HERC1: variants seen among roughly 807,000 people sequenced by gnomAD.
HERC1 encodes the protein probable E3 ubiquitin-protein ligase HERC1.
In HERC1, 160 loss-of-function variants were observed where a neutral mutation model predicts 554.3. That is an observed-to-expected ratio of 0.29 (90% CI 0.25 to 0.33). The LOEUF (loss-of-function observed/expected upper bound fraction) is 0.33, where lower values mean the gene tolerates loss of function less well. HERC1 is among the 10% of genes least tolerant of loss of function. The probability of loss-of-function intolerance (pLI) is 1.00; values close to 1 mark genes in which losing one functional copy is unlikely to be tolerated. For synonymous variants in HERC1, 2,175 were observed against 2,131.7 expected (o/e 1.02, Z -0.56); for missense variants, 4,919 against 5,918.5 (o/e 0.83, Z 5.54).
chr15:63,828,855 A>T (rs2078030405), intron 1 of HERC1, among the ~76,000 whole-genome samples: 1 of 152,230 alleles, frequency 6.6e-6, no homozygotes, highest in African/African-American at 2.4e-5. Context: ...TAACTTTGGA[A>T]AACTATTTTG....
In HERC1 at chr15:63,729,272, T is replaced by C. The variant is rs567722859; in HGVS notation, c.3118A>G (p.Ser1040Gly). The C allele has an allele frequency of 6.8e-6, 11 of 1,607,654 alleles. No individual in the cohort carries two copies. In the Admixed American group the frequency reaches 1.0e-4, roughly 15 times the overall value. Residue 1040 changes from serine to glycine, a missense_variant, in exon 16 of 78, where the codon AGT becomes GGT. By Grantham distance (56) the Ser-to-Gly change is moderately conservative. Coordinates refer to ENST00000443617, the MANE Select transcript of HERC1 (RefSeq NM_003922.4). ...TCTCCAACACTGCCATTCCAAGGAC[T>C]TTCTTTGAGCAAATTTGCAGAACGT... ...YSRSANLLKESPWNGSVGEKL... is the reference protein window; with the variant it reads ...YSRSANLLKEGPWNGSVGEKL...
chr15:63,609,694 T>C (rs2067506546), intron 77 of HERC1, among the ~76,000 whole-genome samples: 1 of 152,076 alleles, frequency 6.6e-6, no homozygotes, highest in African/African-American at 2.4e-5. Context: ...GACTGTGAGG[T>C]GCAGCTGGCC....
intron 36 of HERC1, 27 bp from the exon 37 acceptor site, chr15:63,678,392 A>T (rs2071309806): frequency 2.6e-6 from 4 of 1,543,018 alleles, no homozygotes; most frequent in Non-Finnish European, 3.5e-6. Flanking sequence ...AGGGTGGAAA[A>T]CACATGCTAT....
rs551580659 is a variant in HERC1, at chr15:63,609,026, A to C, written c.*55T>G. ...TTACCATAAAAGTATATCAACATCA[A>C]ATCAGAAGTGAGCATTATTGAGGGA... On this transcript the variant is annotated 3_prime_UTR_variant, in exon 78 of 78. Coordinates refer to ENST00000443617, the MANE Select transcript of HERC1 (RefSeq NM_003922.4). The C allele has an allele frequency of 1.3e-6, 2 of 1,502,836 alleles. No homozygotes were observed. The highest frequency in any genetic ancestry group is 2.7e-5 in the African/African-American group (2 of 72,930). 93.1% of individuals were successfully genotyped at this position (1,502,836 alleles called of 1,614,324 possible).
intron 43 of HERC1, 81 bp downstream of exon 43, chr15:63,664,389 T>C: frequency 3.0e-6 from 4 of 1,333,910 alleles, no homozygotes; most frequent in South Asian, 1.4e-5. Context: ...TATCATTAGT[T>C]TGAATCTTCT....
intron 3 of HERC1, among the ~76,000 whole-genome samples, chr15:63,759,623 CTTAT>C (rs1317113417): frequency 1.3e-5 from 2 of 152,186 alleles, no homozygotes; most frequent in Admixed American, 6.5e-5. Flanking sequence ...CTTCTGTTCA[CTTAT>C]TTATTAGAAC....
chr15:63,651,327 G>A lies in HERC1; in HGVS notation c.10472C>T (p.Pro3491Leu). The A allele has an allele frequency of 6.2e-7, 1 of 1,613,730 alleles. No individual in the cohort carries two copies. Among genetic ancestry groups the A allele is most frequent in the Non-Finnish European group, 8.5e-7 (1 of 1,179,668 alleles). ...TTTGCCACTGATACTCCAGGAAACTGGTGAGAAACTTGGATCACTGGGTGA... is the reference window on the plus strand; with the variant it reads ...TTTGCCACTGATACTCCAGGAAACTAGTGAGAAACTTGGATCACTGGGTGA... ...LGSPSDPSFSPVSWSISGKYL... is the reference protein window; with the variant it reads ...LGSPSDPSFSLVSWSISGKYL... The change falls in exon 53 of 78, where the codon CCA becomes CTA. Residue 3491 changes from proline to leucine, a missense_variant. Coordinates refer to ENST00000443617, the MANE Select transcript of HERC1 (RefSeq NM_003922.4).
chr15:63,631,119 C>T (rs2068532443), intron 68 of HERC1, among the ~76,000 whole-genome samples: 1 of 152,232 alleles, frequency 6.6e-6, no homozygotes, highest in Non-Finnish European at 1.5e-5. Flanking sequence ...GCTTGGACCA[C>T]AGGCACATGC....
intron 1 of HERC1, among the ~76,000 whole-genome samples, chr15:63,798,048 A>G (rs1462634036): frequency 6.6e-6 from 1 of 152,154 alleles, no homozygotes; most frequent in Non-Finnish European, 1.5e-5. Context: ...ACTTGTCAAA[A>G]CACACATGTC....
intron 1 of HERC1, among the ~76,000 whole-genome samples, chr15:63,795,658 C>G (rs760305236): frequency 6.6e-6 from 1 of 152,166 alleles, no homozygotes; most frequent in Non-Finnish European, 1.5e-5. Context: ...TTAATTTACT[C>G]AGCAAGGCCA....
chr15:63,614,908 A>G (rs2067748737), intron 76 of HERC1, among the ~76,000 whole-genome samples: 1 of 152,230 alleles, frequency 6.6e-6, no homozygotes, highest in East Asian at 1.9e-4. Context: ...AGACCATAAC[A>G]TAGAAGTATG....
At chr15:63,728,957 GC>G (rs1316140982) in intron 16 of HERC1, among the ~76,000 whole-genome samples, 4 of 136,924 alleles carry the variant, frequency 2.9e-5, no homozygotes, top group Non-Finnish European at 6.6e-5. Flanking sequence ...AAAAAAAAGA[GC>G]AGATTAAAAA....
Position 63,694,011 on chromosome 15 carries a change from T to A in HERC1, c.5627A>T (p.Glu1876Val). ...EGEQEDGEEE[E>V]KKVDSSGETE... is the part of the protein sequence containing the mutation. ...TTCTCCACTGGAGTCAACTTTTTTT[T>A]CTTCTTCTTCACCGTCTTCTTGCTC... The change falls in exon 30 of 78, where the codon GAA becomes GTA. Residue 1876 changes from glutamate to valine, a missense_variant. Physicochemically the swap from Glu to Val is moderately radical, Grantham distance 121 (BLOSUM62 -2). Transcript: ENST00000443617. The surrounding 1 kb of genome is among the most constrained non-coding windows in gnomAD (Gnocchi z 4.3). 6.4e-7 allele frequency: 1 copy of A among 1,566,420 alleles called. No individual in the cohort carries two copies. The highest frequency in any genetic ancestry group is 8.7e-7 in the Non-Finnish European group (1 of 1,154,150).
chr15:63,627,228 A>C (rs1028099156), intron 70 of HERC1, among the ~76,000 whole-genome samples: 1 of 152,132 alleles, frequency 6.6e-6, no homozygotes, highest in Admixed American at 6.6e-5. Context: ...TAAGAAACAA[A>C]ATCCCTATGG....
intron 1 of HERC1, among the ~76,000 whole-genome samples, chr15:63,802,491 C>T (rs144453129): frequency 2.1e-4 from 32 of 152,262 alleles, no homozygotes; most frequent in African/African-American, 6.7e-4. Context: ...ATTCTAGAAC[C>T]ACCAGTTCAC....
At chr15:63,827,198 G>A (rs1021768854) in intron 1 of HERC1, among the ~76,000 whole-genome samples, 2 of 152,158 alleles carry the variant, frequency 1.3e-5, no homozygotes, top group Non-Finnish European at 2.9e-5. Flanking sequence ...GCCAGTGTGA[G>A]AGGATCACTT....
At position 63,651,260 on chromosome 15, in the gene HERC1, T is replaced by A; in HGVS notation, c.10539A>T (p.Gln3513His). 2.5e-6 allele frequency: 4 copies of A among 1,613,854 alleles called. No homozygotes were observed. The highest frequency in any genetic ancestry group is 3.4e-6 in the Non-Finnish European group (4 of 1,179,832). The change falls in exon 53 of 78, where the codon CAA becomes CAT. Residue 3513 changes from glutamine to histidine, a missense_variant. Physicochemically the swap from Gln to His is conservative, Grantham distance 24 (BLOSUM62 0). This residue lies in a region of HERC1 where 1,963 missense variants were observed against 2,228.6 expected (regional missense o/e 0.88). Coordinates refer to ENST00000443617, the MANE Select transcript of HERC1 (RefSeq NM_003922.4). ...TGTTTACATGACTCTTACCATTAAC[T>A]TGCCAGATATTCACCATCTTTTCCA... ...GALEKMVNIW[Q>H]VNGGKGLVDI...
At chr15:63,754,964 T>A (rs539680261) in intron 6 of HERC1, among the ~76,000 whole-genome samples, 1 of 152,292 alleles carries the variant, frequency 6.6e-6, no homozygotes, top group East Asian at 1.9e-4. Flanking sequence ...AACTTCAGGA[T>A]CATGATGGTA....
At chr15:63,697,506 G>C (rs1328538015) in intron 26 of HERC1, among the ~76,000 whole-genome samples, 1 of 145,812 alleles carries the variant, frequency 6.9e-6, no homozygotes, top group Non-Finnish European at 1.5e-5. Flanking sequence ...CCAGGCTGGA[G>C]TGCAATGGCG....
Sources: allele counts gnomAD v4.1 joint callset (sites outside exome capture counted in the v4.1 genomes callset), GRCh38; gene constraint gnomAD v4.1.1; regional missense constraint gnomAD v4.1.1; non-coding constraint Gnocchi (gnomAD v3.1); transcripts MANE v1.5; gene names NCBI Gene and HGNC (gene_info 2026-07-23, HGNC 2026-07-21).